The following PRKAG2 variants were observed in gnomAD, a reference collection of about 807,000 sequenced individuals.
The protein encoded by PRKAG2 is protein kinase AMP-activated non-catalytic subunit gamma 2.
Under a neutral mutation model 69.6 loss-of-function variants are expected in PRKAG2, and 26 were observed. That is an observed-to-expected ratio of 0.37 (90% CI 0.27 to 0.52). PRKAG2 has a LOEUF of 0.52. Ranked by LOEUF, PRKAG2 falls within the 20% of genes least tolerant of loss-of-function variation. The probability of loss-of-function intolerance (pLI) is 0.90; values close to 1 mark genes in which losing one functional copy is unlikely to be tolerated. For missense variants in PRKAG2, 557 were observed against 740.0 expected, an observed-to-expected ratio of 0.75 and a Z score of 2.87; for synonymous variants, 293 against 285.0, an observed-to-expected ratio of 1.03 and a Z score of -0.28.
Position 151,699,947 on chromosome 7 carries a change from C to A in PRKAG2, c.467-24310G>T, listed in dbSNP as rs1467423391. Reference sequence around the variant, plus strand: ...CCACAGGCGGCCGCAGATGGGTGCCCCCACATTGCAGAAACAGCCTCAACA... The same window carrying A: ...CCACAGGCGGCCGCAGATGGGTGCCACCACATTGCAGAAACAGCCTCAACA... On this transcript the variant is annotated intron_variant, in intron 3 of 15. Transcript: ENST00000287878. The surrounding 1 kb of genome is among the most constrained non-coding windows in gnomAD (Gnocchi z 4.5). 6.6e-6 allele frequency among the ~76,000 whole-genome samples: 1 copy of A among 152,068 alleles called. No individual in the cohort carries two copies. Among genetic ancestry groups the A allele is most frequent in the Non-Finnish European group, 1.5e-5 (1 of 68,008 alleles).
intron 5 of PRKAG2, among the ~76,000 whole-genome samples, chr7:151,612,570 C>T (rs9640298): frequency 0.14 from 21,656 of 152,170 alleles, 1,661 homozygotes; most frequent in East Asian, 0.26. Flanking sequence ...CATCAGCAGG[C>T]GTAGGGGCTG....
chr7:151,840,609 G>T (rs898108939), intron 1 of PRKAG2, among the ~76,000 whole-genome samples: 6 of 152,246 alleles, frequency 3.9e-5, no homozygotes, highest in Non-Finnish European at 8.8e-5. Flanking sequence ...GCTTCTGTCA[G>T]TTCACTGCCT....
intron 1 of PRKAG2, among the ~76,000 whole-genome samples, chr7:151,792,733 G>T (rs148712264): frequency 6.6e-6 from 1 of 152,258 alleles, no homozygotes; most frequent in Non-Finnish European, 1.5e-5. Flanking sequence ...TCAGGGTCAC[G>T]ATACAACATT....
intron 3 of PRKAG2, among the ~76,000 whole-genome samples, chr7:151,739,438 C>CCTTATTTA (rs2073709872): frequency 1.4e-5 from 2 of 147,350 alleles, no homozygotes; most frequent in Non-Finnish European, 3.0e-5. Context: ...ATGACCCAGC[C>CCTTATTTA]TTTATTTATT....
intron 3 of PRKAG2, among the ~76,000 whole-genome samples, chr7:151,681,518 T>C (rs1294610697): frequency 6.6e-6 from 1 of 152,138 alleles, no homozygotes; most frequent in Non-Finnish European, 1.5e-5. Flanking sequence ...ACCTAACATA[T>C]GCCCTATCTG....
At chr7:151,789,412 G>C (rs1163822183) in intron 1 of PRKAG2, among the ~76,000 whole-genome samples, 1 of 152,010 alleles carries the variant, frequency 6.6e-6, no homozygotes, top group Non-Finnish European at 1.5e-5. Flanking sequence ...TGCCCTGGGG[G>C]TCCAGGCCTA....
intron 4 of PRKAG2, among the ~76,000 whole-genome samples, chr7:151,659,991 C>G (rs887234844): frequency 6.6e-6 from 1 of 152,092 alleles, no homozygotes; most frequent in African/African-American, 2.4e-5. Context: ...GCTGGGAGTT[C>G]GAGGTTACAG....
chr7:151,568,305 AT>A (rs1018042211), intron 11 of PRKAG2, among the ~76,000 whole-genome samples: 9 of 152,204 alleles, frequency 5.9e-5, no homozygotes, highest in Non-Finnish European at 1.2e-4. Context: ...TGAGGAAAGC[AT>A]TTTTTGGAAC....
chr7:151,675,785 C>A, intron 3 of PRKAG2, 148 bp from the exon 4 acceptor site: 1 of 779,960 alleles, frequency 1.3e-6, no homozygotes, highest in African/African-American at 1.7e-5. Context: ...GTCAGAGGTC[C>A]GGCCTCCAGG....
rs116737235 is a variant in PRKAG2 at position 151,621,389 on chromosome 7, T to C, written c.754+10680A>G. Reference sequence around the variant, plus strand: ...ACCTTTCATTATCTTATTTAAAAAATAGCTTTGTTGGGGCTGGGTGCAATA... The same window carrying C: ...ACCTTTCATTATCTTATTTAAAAAACAGCTTTGTTGGGGCTGGGTGCAATA... On this transcript the variant is annotated intron_variant, in intron 5 of 15. Transcript: ENST00000287878. Among the ~76,000 whole-genome samples, 1,356 of 152,244 alleles carry C rather than the reference T, an allele frequency of 8.9e-3. 23 individuals carry two copies. Among genetic ancestry groups the C allele is most frequent in the African/African-American group, 0.03 (1,238 of 41,542 alleles).
chr7:151,829,470 C>T (rs1464085881), intron 1 of PRKAG2, among the ~76,000 whole-genome samples: 1 of 152,010 alleles, frequency 6.6e-6, no homozygotes, highest in East Asian at 1.9e-4. Context: ...CTGGCAGTGC[C>T]TCAAAAGTTA....
intron 6 of PRKAG2, among the ~76,000 whole-genome samples, chr7:151,577,740 C>T (rs1585010686): frequency 6.6e-6 from 1 of 151,912 alleles, no homozygotes; most frequent in East Asian, 1.9e-4. Context: ...CAAAACTTAT[C>T]AAATACTAGC....
chr7:151,767,337 C>T (rs1320600736), intron 3 of PRKAG2, among the ~76,000 whole-genome samples: 2 of 152,258 alleles, frequency 1.3e-5, no homozygotes, highest in East Asian at 3.8e-4. Flanking sequence ...GTCACCGAGG[C>T]TGGAGTGCAG....
At chr7:151,774,764 G>A (rs547317149) in intron 3 of PRKAG2, among the ~76,000 whole-genome samples, 6 of 152,044 alleles carry the variant, frequency 3.9e-5, no homozygotes, top group Non-Finnish European at 5.9e-5. Flanking sequence ...CCGAGATCTC[G>A]CCATTGCACT....
chr7:151,866,431 T>A (rs561228346), intron 1 of PRKAG2, among the ~76,000 whole-genome samples: 2 of 152,334 alleles, frequency 1.3e-5, no homozygotes, highest in South Asian at 4.1e-4. Flanking sequence ...CACATATTAC[T>A]TTAGAGATAA....
chr7:151,612,691 T>C (rs1398173925), intron 5 of PRKAG2, among the ~76,000 whole-genome samples: 2 of 152,226 alleles, frequency 1.3e-5, no homozygotes, highest in Admixed American at 6.5e-5. Flanking sequence ...CTCACCTTCA[T>C]AGTGCACAGC....
rs2080371045 is a variant in PRKAG2, at chr7:151,875,565, GTGT to G, written c.114+939_114+941del. On this transcript the variant is annotated intron_variant, in intron 1 of 15. Transcript: ENST00000287878. The stretch of plus-strand genomic sequence containing the variant: ...AACTTTCTCTACGGAGCACTCTGGT[GTGT>G]GTGTGTGTGTGTGTGTGTGTGTGTG... 8.2e-3 allele frequency among the ~76,000 whole-genome samples: 338 copies of G among 41,456 alleles called. 1 individual carries two copies. The highest frequency in any genetic ancestry group is 0.02 in the African/African-American group (207 of 10,242). The allele number at this position is 41,456 out of a possible 152,430, so 27.2% of individuals were successfully genotyped here.
intron 3 of PRKAG2, among the ~76,000 whole-genome samples, chr7:151,704,880 G>C (rs1838334938): frequency 6.6e-6 from 1 of 152,200 alleles, no homozygotes; most frequent in Non-Finnish European, 1.5e-5. Flanking sequence ...TTGAACCCAA[G>C]TGTAACCACT....
At chr7:151,779,625 G>C (rs750592148) in intron 3 of PRKAG2, among the ~76,000 whole-genome samples, 5 of 152,250 alleles carry the variant, frequency 3.3e-5, no homozygotes, top group South Asian at 2.1e-4. Context: ...AGCACAGGCA[G>C]TACCATGGAG....
Sources: allele counts gnomAD v4.1 joint callset (sites outside exome capture counted in the v4.1 genomes callset), GRCh38; gene constraint gnomAD v4.1.1; non-coding constraint Gnocchi (gnomAD v3.1); transcripts MANE v1.5; gene names NCBI Gene and HGNC (gene_info 2026-07-23, HGNC 2026-07-21).